The following SPECC1 variants were observed in gnomAD, a reference collection of about 807,000 sequenced individuals.
SPECC1 encodes the protein cytospin-B.
A neutral mutation model predicts 104.1 loss-of-function variants in SPECC1; 62 were observed. The ratio of observed to expected loss-of-function variants is 0.60; its 90% CI spans 0.49 to 0.74. The LOEUF (loss-of-function observed/expected upper bound fraction) is 0.74. SPECC1 is among the 30% of genes least tolerant of loss of function. The pLI, the probability that SPECC1 is intolerant of heterozygous loss-of-function variation, is 0.00. For synonymous variants in SPECC1, 513 were observed against 501.6 expected, an observed-to-expected ratio of 1.02 and a Z score of -0.30; for missense variants, 1,306 against 1,310.5, an observed-to-expected ratio of 1.00 and a Z score of 0.05.
chr17:20,215,163 A>G (rs1450371953), intron 4 of SPECC1, among the ~76,000 whole-genome samples: 1 of 152,196 alleles, frequency 6.6e-6, no homozygotes, highest in Non-Finnish European at 1.5e-5. Context: ...TTGCCCCTCC[A>G]GTACCTTTAG....
chr17:20,027,572 G>C (rs2044645187), intron 1 of SPECC1, among the ~76,000 whole-genome samples: 1 of 152,130 alleles, frequency 6.6e-6, no homozygotes, highest in Non-Finnish European at 1.5e-5. Flanking sequence ...TTACATTCAA[G>C]TCTTTAATTC....
intron 3 of SPECC1, among the ~76,000 whole-genome samples, chr17:20,173,681 A>C (rs2034257341): frequency 6.6e-6 from 1 of 152,242 alleles, no homozygotes; most frequent in Non-Finnish European, 1.5e-5. Context: ...GTTGGGCATA[A>C]AGGTACATGA....
At chr17:20,161,567 A>G (rs186275299) in intron 3 of SPECC1, among the ~76,000 whole-genome samples, 1 of 152,346 alleles carries the variant, frequency 6.6e-6, no homozygotes, top group African/African-American at 2.4e-5. Flanking sequence ...TATAGAGAAG[A>G]CAGTGGCATC....
At chr17:20,290,179 G>GTTTTTCAACTT (rs1598150146) in intron 12 of SPECC1, 1 of 151,916 alleles carries the variant, frequency 6.6e-6, no homozygotes, top group East Asian at 1.9e-4. Context: ...ATTTTGTTTG[G>GTTTTTCAACTT]TTTTTCAACC....
At chr17:20,010,957 A>G (rs2043922572) in intron 1 of SPECC1, among the ~76,000 whole-genome samples, 1 of 152,238 alleles carries the variant, frequency 6.6e-6, no homozygotes. Context: ...TTCGTCTTAA[A>G]ATTGTTAACA....
At chr17:20,082,676 C>T (rs1015219688) in intron 1 of SPECC1, among the ~76,000 whole-genome samples, 1 of 152,142 alleles carries the variant, frequency 6.6e-6, no homozygotes, top group African/African-American at 2.4e-5. Flanking sequence ...GTGTCCTAAT[C>T]TTTTCTTATA....
At chr17:20,159,775 T>G (rs151026322) in intron 3 of SPECC1, among the ~76,000 whole-genome samples, 1 of 152,346 alleles carries the variant, frequency 6.6e-6, no homozygotes, top group Non-Finnish European at 1.5e-5. Flanking sequence ...GGTGACCACA[T>G]CTCATGCTTC....
Position 20,287,423 on chromosome 17 carries a change from C to CAA in SPECC1, c.2941-9507_2941-9506dup, listed in dbSNP as rs61713120. 9.6e-4 allele frequency among the ~76,000 whole-genome samples: 94 copies of CAA among 98,054 alleles called. 1 individual carries two copies. The highest frequency in any genetic ancestry group is 1.7e-3 in the African/African-American group (41 of 24,080). The allele number at this position is 98,054 out of a possible 152,430, so 64.3% of individuals were successfully genotyped here. On this transcript the variant is annotated intron_variant, in intron 12 of 14. Coordinates refer to ENST00000395527, the MANE Select transcript of SPECC1 (RefSeq NM_001243439.2). ...TGGGCGACAGAGCGAGACTCCGTCT[C>CAA]AAAAAAAAAAAAAAAAAAAAAAAAA...
chr17:20,040,914 C>A (rs1001342674), intron 1 of SPECC1, among the ~76,000 whole-genome samples: 2 of 152,144 alleles, frequency 1.3e-5, no homozygotes, highest in African/African-American at 4.8e-5. Context: ...GCTGTGCCAT[C>A]TTTGTCTCTT....
intron 3 of SPECC1, among the ~76,000 whole-genome samples, chr17:20,111,463 C>T (rs138646081): frequency 1.1e-3 from 160 of 152,232 alleles, no homozygotes; most frequent in African/African-American, 3.4e-3. Context: ...ATGGCTTTAC[C>T]ATTGTAAATA....
rs60345604 is a variant in SPECC1 at position 20,201,006 on chromosome 17, CTAG to C, written c.284-3321_284-3319del. The stretch of plus-strand genomic sequence containing the variant: ...TAGTTTCATGGTTTTTTAAAAATTC[CTAG>C]TAGTATAGATAAGGCAGAAGTAACA... On this transcript the variant is annotated intron_variant, in intron 3 of 14. Transcript: ENST00000395527. Among the ~76,000 whole-genome samples the C allele has an allele frequency of 3.2e-3, 492 of 151,632 alleles. 5 individuals are homozygous for C. The highest frequency in any genetic ancestry group is 0.011 in the African/African-American group (475 of 41,374).
intron 3 of SPECC1, among the ~76,000 whole-genome samples, chr17:20,124,078 G>C (rs1178168601): frequency 6.6e-6 from 1 of 152,060 alleles, no homozygotes; most frequent in Non-Finnish European, 1.5e-5. Context: ...AAGGTGGGTG[G>C]GTCAGTTTCT....
At position 20,204,845 on chromosome 17, in the gene SPECC1, G is replaced by A. The variant is rs147881519; in HGVS notation, c.796G>A (p.Ala266Thr). The A allele has an allele frequency of 1.1e-4, 174 of 1,613,900 alleles. No individual in the cohort carries two copies. Among genetic ancestry groups the A allele is most frequent in the Middle Eastern group, 1.6e-4 (1 of 6,082 alleles). Reference protein sequence around the residue: ...YLEHSPNSEGAASHTGDSSCP... With the variant: ...YLEHSPNSEGTASHTGDSSCP... ...TGAGCACTCCCCAAATTCAGAAGGG[G>A]CAGCAAGTCACACTGGCGACAGCAG... Residue 266 changes from alanine to threonine, a missense_variant, in exon 4 of 15, where the codon GCA (alanine) becomes ACA (threonine). By Grantham distance (58) the Ala-to-Thr change is moderately conservative. Coordinates refer to ENST00000395527, the MANE Select transcript of SPECC1 (RefSeq NM_001243439.2).
intron 14 of SPECC1, among the ~76,000 whole-genome samples, chr17:20,307,717 C>G (rs1171773874): frequency 6.6e-6 from 1 of 152,074 alleles, no homozygotes; most frequent in East Asian, 1.9e-4. Flanking sequence ...ATGGCCATGT[C>G]CCATGCCCAG....
chr17:20,145,167 C>T (rs893630494), intron 3 of SPECC1, among the ~76,000 whole-genome samples: 9 of 152,184 alleles, frequency 5.9e-5, no homozygotes, highest in Non-Finnish European at 1.0e-4. Flanking sequence ...GTAGGAAGAA[C>T]GAGTGCTTCA....
In SPECC1 at chr17:20,060,284, C is replaced by T. The variant is rs531845246; in HGVS notation, c.-21-36347C>T. On this transcript the variant is annotated intron_variant, in intron 1 of 14. Transcript: ENST00000395527. ...AACTTGGTTGGTTTACTAAAGAGAC[C>T]ATCAAACTTTGAAAGTGACATGGAA... 7.3e-4 allele frequency among the ~76,000 whole-genome samples: 111 copies of T among 152,222 alleles called. 2 individuals carry two copies. The highest frequency in any genetic ancestry group is 1.2e-3 in the Non-Finnish European group (83 of 68,024).
chr17:20,011,309 A>G (rs182616494), intron 1 of SPECC1, among the ~76,000 whole-genome samples: 1 of 151,930 alleles, frequency 6.6e-6, no homozygotes, highest in Non-Finnish European at 1.5e-5. Context: ...TTTTTTCATG[A>G]TCATTTATTT....
intron 4 of SPECC1, among the ~76,000 whole-genome samples, chr17:20,217,278 TGTG>T (rs753032238): frequency 2.8e-4 from 40 of 142,736 alleles, no homozygotes; most frequent in African/African-American, 9.8e-4. Context: ...TGTGTGTGTG[TGTG>T]TTTTTTTTTT....
In SPECC1 at chr17:20,240,824, A is replaced by C. The variant is rs1040678740; in HGVS notation, c.2352-5102A>C. Among the ~76,000 whole-genome samples, 16 of 152,310 alleles carry C rather than the reference A, an allele frequency of 1.1e-4. No homozygotes were observed. In the South Asian group the frequency reaches 3.1e-3, roughly 30 times the overall value. On this transcript the variant is annotated intron_variant, in intron 7 of 14. Coordinates refer to ENST00000395527, the MANE Select transcript of SPECC1 (RefSeq NM_001243439.2). ...ACTCATCCTTTCATTTAAAATTTTT[A>C]TTTTATTGAATTTTAAGGCAGACAG...
Sources: allele counts gnomAD v4.1 joint callset (sites outside exome capture counted in the v4.1 genomes callset), GRCh38; gene constraint gnomAD v4.1.1; transcripts MANE v1.5; gene names NCBI Gene and HGNC (gene_info 2026-07-23, HGNC 2026-07-21).